The following CNTN5 variants were observed in gnomAD, a reference collection of about 807,000 sequenced individuals.
CNTN5 encodes contactin 5.
Under a neutral mutation model 129.1 loss-of-function variants are expected in CNTN5, and 77 were observed. The observed-to-expected ratio is 0.60, with a 90% CI of 0.50 to 0.72. CNTN5 has a LOEUF of 0.72. CNTN5 is among the 30% of genes least tolerant of loss of function. The probability of loss-of-function intolerance (pLI) is 0.00; values close to 1 mark genes in which losing one functional copy is unlikely to be tolerated. For synonymous variants in CNTN5, 509 were observed against 465.6 expected, an observed-to-expected ratio of 1.09 and a Z score of -1.20; for missense variants, 1,478 against 1,328.8, an observed-to-expected ratio of 1.11 and a Z score of -1.75.
At chr11:99,814,783 A>G (rs1182466913) in intron 3 of CNTN5, among the ~76,000 whole-genome samples, 2 of 152,064 alleles carry the variant, frequency 1.3e-5, no homozygotes, top group Non-Finnish European at 2.9e-5. Flanking sequence ...GAAATTATGT[A>G]TTAGTCTGTC....
At chr11:99,747,263 T>C (rs1328519272) in intron 3 of CNTN5, among the ~76,000 whole-genome samples, 1 of 152,226 alleles carries the variant, frequency 6.6e-6, no homozygotes, top group East Asian at 1.9e-4. Flanking sequence ...TATGTTGATT[T>C]TGTATCCTGC....
chr11:99,508,862 G>C (rs1259134426), intron 2 of CNTN5, among the ~76,000 whole-genome samples: 3 of 151,768 alleles, frequency 2.0e-5, no homozygotes, highest in Non-Finnish European at 2.9e-5. Context: ...TTTATTTTTA[G>C]TAGAGACGGG....
At chr11:99,773,783 G>T (rs1016263790) in intron 3 of CNTN5, among the ~76,000 whole-genome samples, 2 of 151,928 alleles carry the variant, frequency 1.3e-5, no homozygotes, top group African/African-American at 4.8e-5. Flanking sequence ...ACCCTGAGTC[G>T]ACCATTGGCT....
intron 9 of CNTN5, among the ~76,000 whole-genome samples, chr11:100,043,731 T>C (rs1448613315): frequency 6.6e-6 from 1 of 152,118 alleles, no homozygotes; most frequent in South Asian, 2.1e-4. Context: ...ACATGTCATC[T>C]TTTCTGGGCT....
intron 12 of CNTN5, among the ~76,000 whole-genome samples, chr11:100,073,262 G>T (rs1944001339): frequency 6.6e-6 from 1 of 151,930 alleles, no homozygotes; most frequent in African/African-American, 2.4e-5. Flanking sequence ...GGCCAGGCTT[G>T]TCTTGTACTC....
At chr11:100,015,282 G>A (rs954716549) in intron 9 of CNTN5, among the ~76,000 whole-genome samples, 2 of 152,110 alleles carry the variant, frequency 1.3e-5, no homozygotes, top group African/African-American at 2.4e-5. Flanking sequence ...CTAGTAGGGT[G>A]TTATGCAGTA....
intron 9 of CNTN5, among the ~76,000 whole-genome samples, chr11:100,029,661 T>A (rs1167401905): frequency 6.6e-6 from 1 of 152,130 alleles, no homozygotes; most frequent in Non-Finnish European, 1.5e-5. Flanking sequence ...TAAATTTGAG[T>A]CTGCTATTCC....
chr11:100,307,177 A>G (rs961953239), intron 20 of CNTN5, among the ~76,000 whole-genome samples: 3 of 151,666 alleles, frequency 2.0e-5, no homozygotes, highest in Non-Finnish European at 3.0e-5. Context: ...TATGTCTTCA[A>G]TGTTCGCCTC....
chr11:99,425,665 C>T (rs1189285772), intron 2 of CNTN5, among the ~76,000 whole-genome samples: 1 of 152,234 alleles, frequency 6.6e-6, no homozygotes, highest in Non-Finnish European at 1.5e-5. Context: ...TGGGAGCAGA[C>T]ACTTAGGAGC....
chr11:99,619,479 A>C (rs1210883862), intron 3 of CNTN5, among the ~76,000 whole-genome samples: 1 of 152,038 alleles, frequency 6.6e-6, no homozygotes, highest in South Asian at 2.1e-4. Context: ...TCACATTTCC[A>C]TGGAGCTGTC....
At chr11:99,895,394 A>G (rs1261159611) in intron 6 of CNTN5, among the ~76,000 whole-genome samples, 1 of 152,228 alleles carries the variant, frequency 6.6e-6, no homozygotes, top group African/African-American at 2.4e-5. Context: ...TCTCCTCAAG[A>G]GACAGTTAAG....
At chr11:99,091,329 G>C (rs927578600) in intron 1 of CNTN5, among the ~76,000 whole-genome samples, 3 of 152,088 alleles carry the variant, frequency 2.0e-5, no homozygotes, top group Non-Finnish European at 4.4e-5. Flanking sequence ...TTGATTACTG[G>C]GGCTAATCAG....
intron 9 of CNTN5, among the ~76,000 whole-genome samples, chr11:100,041,414 C>T (rs371734456): frequency 6.6e-6 from 1 of 152,170 alleles, no homozygotes; most frequent in African/African-American, 2.4e-5. Context: ...ACGACAAAGT[C>T]TAGAACATAG....
intron 1 of CNTN5, among the ~76,000 whole-genome samples, chr11:99,290,671 A>T (rs1864134350): frequency 6.6e-6 from 1 of 152,014 alleles, no homozygotes; most frequent in East Asian, 1.9e-4. Context: ...TTCCAAAATG[A>T]TTACCAAGTA....
intron 1 of CNTN5, among the ~76,000 whole-genome samples, chr11:99,094,757 A>G (rs959781105): frequency 6.6e-6 from 1 of 151,890 alleles, no homozygotes; most frequent in African/African-American, 2.4e-5. Context: ...TTTTTTACCA[A>G]CCCCGTCTCC....
chr11:100,213,839 G>A (rs189320723), intron 15 of CNTN5, among the ~76,000 whole-genome samples: 1 of 152,214 alleles, frequency 6.6e-6, no homozygotes, highest in Admixed American at 6.5e-5. Context: ...CTTCCTGATT[G>A]TGAAAGATAG....
chr11:100,268,984 T>C (rs939641922), intron 17 of CNTN5, among the ~76,000 whole-genome samples: 2 of 152,188 alleles, frequency 1.3e-5, no homozygotes, highest in African/African-American at 4.8e-5. Context: ...TTAAAAATAT[T>C]AGTTAACAGC....
At chr11:99,229,072 TTATAC>T (rs1481338177) in intron 1 of CNTN5, among the ~76,000 whole-genome samples, 1 of 152,076 alleles carries the variant, frequency 6.6e-6, no homozygotes, top group East Asian at 1.9e-4. Flanking sequence ...ATTATTAGTA[TTATAC>T]TATACATGTT....
intron 3 of CNTN5, among the ~76,000 whole-genome samples, chr11:99,797,870 A>G (rs549326826): frequency 6.6e-6 from 1 of 152,272 alleles, no homozygotes; most frequent in Admixed American, 6.5e-5. Context: ...TTTTGTCATT[A>G]ATTTGTGAAA....
Sources: allele counts gnomAD v4.1 joint callset (sites outside exome capture counted in the v4.1 genomes callset), GRCh38; gene constraint gnomAD v4.1.1; transcripts MANE v1.5; gene names NCBI Gene and HGNC (gene_info 2026-07-23, HGNC 2026-07-21).